MACROD2: variants seen among roughly 807,000 people sequenced by gnomAD.
MACROD2 encodes the protein mono-ADP ribosylhydrolase 2, also known as ADP-ribose glycohydrolase MACROD2.
Under a neutral mutation model 70.4 loss-of-function variants are expected in MACROD2, and 36 were observed. The observed-to-expected ratio is 0.51, with a 90% CI of 0.39 to 0.68. The LOEUF (loss-of-function observed/expected upper bound fraction) is 0.68, where lower values mean the gene tolerates loss of function less well. Ranked by LOEUF, MACROD2 falls within the 30% of genes least tolerant of loss-of-function variation. The probability of loss-of-function intolerance (pLI) is 0.00; values close to 1 mark genes in which losing one functional copy is unlikely to be tolerated. For synonymous variants in MACROD2, 172 were observed against 178.8 expected, an observed-to-expected ratio of 0.96 and a Z score of 0.30; for missense variants, 496 against 538.4, an observed-to-expected ratio of 0.92 and a Z score of 0.78.
chr20:15,381,294 C>T (rs188021728), intron 6 of MACROD2, among the ~76,000 whole-genome samples: 49 of 151,984 alleles, frequency 3.2e-4, no homozygotes, highest in Admixed American at 2.6e-3. Context: ...CAGGTTACTT[C>T]TTTTTTCACC....
chr20:14,622,383 G>T (rs1287895496), intron 4 of MACROD2, among the ~76,000 whole-genome samples: 2 of 152,136 alleles, frequency 1.3e-5, no homozygotes, highest in African/African-American at 2.4e-5. Context: ...GCTGTGTGCA[G>T]TCATATATGT....
At chr20:16,009,586 G>A (rs1238976481) in intron 15 of MACROD2, among the ~76,000 whole-genome samples, 1 of 152,024 alleles carries the variant, frequency 6.6e-6, no homozygotes, top group African/African-American at 2.4e-5. Context: ...TTGAAACCCT[G>A]TCTCTACTAA....
intron 5 of MACROD2, among the ~76,000 whole-genome samples, chr20:14,962,889 A>G (rs1170484268): frequency 1.3e-5 from 2 of 152,034 alleles, no homozygotes; most frequent in Non-Finnish European, 2.9e-5. Context: ...AAAAAACTCT[A>G]AGGAAACTCA....
At chr20:15,678,168 T>C (rs961085877) in intron 8 of MACROD2, among the ~76,000 whole-genome samples, 2 of 152,236 alleles carry the variant, frequency 1.3e-5, no homozygotes, top group Admixed American at 6.5e-5. Flanking sequence ...TAGTAAATTA[T>C]AGACTTAAGA....
At chr20:15,017,964 T>C (rs973405127) in intron 5 of MACROD2, among the ~76,000 whole-genome samples, 10 of 152,214 alleles carry the variant, frequency 6.6e-5, no homozygotes, top group African/African-American at 1.9e-4. Context: ...GGAAGTTCTC[T>C]GACATGGCCT....
intron 3 of MACROD2, among the ~76,000 whole-genome samples, chr20:14,265,030 C>A (rs762868349): frequency 1.3e-5 from 2 of 152,172 alleles, no homozygotes; most frequent in African/African-American, 4.8e-5. Context: ...GTTTAGTAGC[C>A]TTTGCTCAGT....
chr20:14,263,967 A>G (rs1490136147), intron 3 of MACROD2, among the ~76,000 whole-genome samples: 3 of 121,552 alleles, frequency 2.5e-5, no homozygotes, highest in Non-Finnish European at 4.9e-5. Flanking sequence ...GCAAGACCCT[A>G]TCTAAACACA....
At chr20:15,889,937 A>G (rs527708857) in intron 10 of MACROD2, among the ~76,000 whole-genome samples, 1 of 152,256 alleles carries the variant, frequency 6.6e-6, no homozygotes, top group Non-Finnish European at 1.5e-5. Flanking sequence ...AAGCAGAAGC[A>G]ACTCTCTTCT....
chr20:15,371,249 C>T (rs951697890), intron 6 of MACROD2, among the ~76,000 whole-genome samples: 29 of 152,192 alleles, frequency 1.9e-4, no homozygotes, highest in African/African-American at 6.0e-4. Flanking sequence ...CTCTTCATCA[C>T]GGCTTGCCTT....
At chr20:15,958,944 A>G (rs910371001) in intron 12 of MACROD2, among the ~76,000 whole-genome samples, 8 of 152,190 alleles carry the variant, frequency 5.3e-5, no homozygotes, top group Non-Finnish European at 1.0e-4. Context: ...TTAGATTTCC[A>G]ACCTCCAGAA....
Position 15,369,131 on chromosome 20 carries a change from G to C in MACROD2, c.541-62274G>C, listed in dbSNP as rs143747133. 1.6e-3 allele frequency among the ~76,000 whole-genome samples: 242 copies of C among 152,118 alleles called. 2 individuals carry two copies. The highest frequency in any genetic ancestry group is 5.5e-3 in the African/African-American group (228 of 41,480). ...CTCACTAGAGAGGAGTAAAAATTAA[G>C]TATTAATATTTAATGAACGGATACT... On this transcript the variant is annotated intron_variant, in intron 6 of 17. Transcript: ENST00000684519.
intron 5 of MACROD2, among the ~76,000 whole-genome samples, chr20:14,742,044 T>C (rs1248722470): frequency 6.6e-6 from 1 of 152,102 alleles, no homozygotes; most frequent in Non-Finnish European, 1.5e-5. Context: ...CAGATAGAAG[T>C]GTCATTAGCC....
intron 8 of MACROD2, among the ~76,000 whole-genome samples, chr20:15,706,847 A>T (rs527881639): frequency 2.9e-4 from 44 of 152,184 alleles, no homozygotes; most frequent in Non-Finnish European, 5.1e-4. Flanking sequence ...ATTCATGATA[A>T]TTCAGAGTTT....
intron 5 of MACROD2, among the ~76,000 whole-genome samples, chr20:15,092,514 G>T (rs1022981880): frequency 1.3e-5 from 2 of 150,000 alleles, no homozygotes; most frequent in Non-Finnish European, 1.5e-5. Flanking sequence ...AAGCTTCTTA[G>T]GTTTTTTTTA....
intron 4 of MACROD2, among the ~76,000 whole-genome samples, chr20:14,500,880 A>G (rs1363756033): frequency 6.6e-6 from 1 of 152,202 alleles, no homozygotes; most frequent in Non-Finnish European, 1.5e-5. Flanking sequence ...GTAATTTCAT[A>G]TTCATCTTTA....
At chr20:14,933,392 G>A (rs1215871732) in intron 5 of MACROD2, among the ~76,000 whole-genome samples, 1 of 152,086 alleles carries the variant, frequency 6.6e-6, no homozygotes, top group Non-Finnish European at 1.5e-5. Flanking sequence ...TATTTTTAAA[G>A]TTTTTGGCTG....
intron 5 of MACROD2, among the ~76,000 whole-genome samples, chr20:14,961,049 A>G (rs1041100181): frequency 6.6e-6 from 1 of 152,202 alleles, no homozygotes. Flanking sequence ...TTAAGCACTC[A>G]GTGAACACAG....
chr20:15,701,911 T>C (rs1157703800), intron 8 of MACROD2, among the ~76,000 whole-genome samples: 3 of 152,172 alleles, frequency 2.0e-5, no homozygotes, highest in Non-Finnish European at 4.4e-5. Context: ...TGAGAACATG[T>C]GGTATTTGGT....
intron 5 of MACROD2, among the ~76,000 whole-genome samples, chr20:15,199,953 C>G (rs746885885): frequency 6.6e-6 from 1 of 152,122 alleles, no homozygotes; most frequent in Non-Finnish European, 1.5e-5. Context: ...TTGAAAAGTT[C>G]AGTTCTGAAG....
Sources: allele counts gnomAD v4.1 joint callset (sites outside exome capture counted in the v4.1 genomes callset), GRCh38; gene constraint gnomAD v4.1.1; transcripts MANE v1.5; gene names NCBI Gene and HGNC (gene_info 2026-07-23, HGNC 2026-07-21).